CACNA2D3: variants seen among roughly 807,000 people sequenced by gnomAD.
CACNA2D3 encodes voltage-dependent calcium channel subunit alpha-2/delta-3.
In CACNA2D3, 60 loss-of-function variants were observed where a neutral mutation model predicts 160.6. That is an observed-to-expected ratio of 0.37 (90% confidence interval 0.30 to 0.46). The LOEUF (loss-of-function observed/expected upper bound fraction) is 0.46. CACNA2D3 is among the 20% of genes least tolerant of loss of function. The pLI is 1.00. For missense variants in CACNA2D3, 1,205 were observed against 1,365.0 expected, an observed-to-expected ratio of 0.88 and a Z score of 1.85; for synonymous variants, 558 against 492.9, an observed-to-expected ratio of 1.13 and a Z score of -1.75.
chr3:54,249,558 T>TACACACACACAC (rs149515122), intron 2 of CACNA2D3, among the ~76,000 whole-genome samples: 5,606 of 123,760 alleles, frequency 0.045, 351 homozygotes, highest in Middle Eastern at 0.098. Flanking sequence ...TCTGTTTACG[T>TACACACACACAC]ACACACACAC....
chr3:54,934,546 A>G (rs189741638), intron 27 of CACNA2D3, among the ~76,000 whole-genome samples: 1 of 152,194 alleles, frequency 6.6e-6, no homozygotes, highest in South Asian at 2.1e-4. Context: ...TTAGTGGAGT[A>G]GTGGGTTTGA....
At chr3:54,801,458 G>A (rs559738487) in intron 13 of CACNA2D3, among the ~76,000 whole-genome samples, 1 of 151,978 alleles carries the variant, frequency 6.6e-6, no homozygotes, top group South Asian at 2.1e-4. Flanking sequence ...AAGTTGAGAG[G>A]GTGCCTAACA....
At chr3:54,887,241 C>T (rs1340383932) in intron 23 of CACNA2D3, among the ~76,000 whole-genome samples, 1 of 151,986 alleles carries the variant, frequency 6.6e-6, no homozygotes, top group Non-Finnish European at 1.5e-5. Flanking sequence ...ACCTGGCCAA[C>T]ATGGTAAAAC....
At chr3:54,133,792 T>G (rs1264622610) in intron 2 of CACNA2D3, among the ~76,000 whole-genome samples, 1 of 152,176 alleles carries the variant, frequency 6.6e-6, no homozygotes, top group South Asian at 2.1e-4. Context: ...AAGTTTTCCT[T>G]TGTGTATTCC....
intron 13 of CACNA2D3, among the ~76,000 whole-genome samples, chr3:54,815,791 G>A (rs1238703962): frequency 6.6e-6 from 1 of 152,192 alleles, no homozygotes; most frequent in African/African-American, 2.4e-5. Context: ...ATGGGATAAT[G>A]CAAAGACGTA....
intron 27 of CACNA2D3, chr3:54,925,319 G>A: frequency 1.1e-6 from 1 of 938,952 alleles, no homozygotes; most frequent in Non-Finnish European, 1.6e-6. Context: ...CCAGCCAGGT[G>A]AAACCTTCTA....
intron 11 of CACNA2D3, among the ~76,000 whole-genome samples, chr3:54,690,652 G>T (rs1700554535): frequency 6.6e-6 from 1 of 152,132 alleles, no homozygotes; most frequent in African/African-American, 2.4e-5. Flanking sequence ...ATTCTGGGTG[G>T]CCTGTGATTT....
intron 11 of CACNA2D3, among the ~76,000 whole-genome samples, chr3:54,677,887 A>T (rs1448472711): frequency 6.6e-6 from 1 of 152,126 alleles, no homozygotes; most frequent in Non-Finnish European, 1.5e-5. Flanking sequence ...AAGAAAGGGC[A>T]ATAGACCACA....
chr3:54,612,150 A>C (rs975763633), intron 9 of CACNA2D3, among the ~76,000 whole-genome samples: 1 of 152,138 alleles, frequency 6.6e-6, no homozygotes, highest in African/African-American at 2.4e-5. Context: ...AAGAGAGGGA[A>C]GTGAGGGCTT....
rs143244124 is a variant in CACNA2D3 at position 54,831,352 on chromosome 3, C to T, written c.1399-5807C>T. 3.9e-5 allele frequency among the ~76,000 whole-genome samples: 6 copies of T among 152,334 alleles called. No individual in the cohort carries two copies. The East Asian group carries it at 1.2e-3, about 29-fold the overall frequency. ...TTCTCTGCAGCTTGGCATTCACCCCCAGGGGCTTCCAGCTGCAGGAGAAAC... is the reference window on the plus strand; with the variant it reads ...TTCTCTGCAGCTTGGCATTCACCCCTAGGGGCTTCCAGCTGCAGGAGAAAC... On this transcript the variant is annotated intron_variant, in intron 14 of 37. Transcript: ENST00000474759.
intron 13 of CACNA2D3, among the ~76,000 whole-genome samples, chr3:54,772,070 T>C (rs1051611133): frequency 1.3e-5 from 2 of 151,516 alleles, no homozygotes; most frequent in Non-Finnish European, 2.9e-5. Context: ...GTGATTCCTT[T>C]AGGAATCAGA....
At chr3:54,477,930 A>G (rs2106890721) in intron 4 of CACNA2D3, among the ~76,000 whole-genome samples, 1 of 152,298 alleles carries the variant, frequency 6.6e-6, no homozygotes, top group Admixed American at 6.5e-5. Flanking sequence ...TTGAACTAAC[A>G]GTTGCTTTCT....
At chr3:54,877,462 A>G (rs1390184298) in intron 18 of CACNA2D3, among the ~76,000 whole-genome samples, 2 of 152,174 alleles carry the variant, frequency 1.3e-5, no homozygotes, top group African/African-American at 4.8e-5. Context: ...AGTCTTCACT[A>G]CAACTTAATG....
At chr3:54,369,068 T>C (rs1441077368) in intron 3 of CACNA2D3, among the ~76,000 whole-genome samples, 2 of 152,052 alleles carry the variant, frequency 1.3e-5, no homozygotes, top group Non-Finnish European at 2.9e-5. Flanking sequence ...TCCCCCCAAA[T>C]AGTGAAAGCT....
At chr3:54,517,900 C>T (rs913177540) in intron 5 of CACNA2D3, among the ~76,000 whole-genome samples, 1 of 152,076 alleles carries the variant, frequency 6.6e-6, no homozygotes, top group African/African-American at 2.4e-5. Context: ...GGCTGAGGTA[C>T]GAGCCTAAAG....
At chr3:54,342,633 C>T (rs941021053) in intron 3 of CACNA2D3, among the ~76,000 whole-genome samples, 7 of 152,146 alleles carry the variant, frequency 4.6e-5, no homozygotes, top group Admixed American at 1.3e-4. Context: ...GCTTAGGTGA[C>T]AAATCATTGA....
intron 2 of CACNA2D3, among the ~76,000 whole-genome samples, chr3:54,254,696 G>A (rs77851804): frequency 0.027 from 3,482 of 129,346 alleles, 69 homozygotes; most frequent in Non-Finnish European, 0.04. Context: ...GTTGTTATGA[G>A]TATTACTGTT....
chr3:54,287,380 C>G (rs1703060819), intron 2 of CACNA2D3, among the ~76,000 whole-genome samples: 1 of 151,746 alleles, frequency 6.6e-6, no homozygotes, highest in Non-Finnish European at 1.5e-5. Flanking sequence ...AGCTAACTAT[C>G]CTAAATATAT....
chr3:54,282,031 A>G lies in CACNA2D3; in HGVS notation c.205-38411A>G, dbSNP rs532082317. On this transcript the variant is annotated intron_variant, in intron 2 of 37. Coordinates refer to ENST00000474759, the MANE Select transcript of CACNA2D3 (RefSeq NM_018398.3). The stretch of plus-strand genomic sequence containing the variant: ...TCAGCAAATCAAAGCATGACTAACC[A>G]CAGCAGTGATGACAACAAAGTGTAT... Among the ~76,000 whole-genome samples, 144 of 152,380 alleles carry G rather than the reference A, an allele frequency of 9.5e-4. 1 individual carries two copies. The highest frequency in any genetic ancestry group is 1.5e-3 in the Admixed American group (23 of 15,310).
Sources: allele counts gnomAD v4.1 joint callset (sites outside exome capture counted in the v4.1 genomes callset), GRCh38; gene constraint gnomAD v4.1.1; transcripts MANE v1.5; gene names NCBI Gene and HGNC (gene_info 2026-07-23, HGNC 2026-07-21).